The following FMN2 variants were observed in gnomAD, a reference collection of about 807,000 sequenced individuals.
FMN2 encodes formin 2.
FMN2 carries 51 observed loss-of-function variants against 142.3 expected under a neutral mutation model. That is an observed-to-expected ratio of 0.36 (90% CI 0.29 to 0.45). The LOEUF (loss-of-function observed/expected upper bound fraction) is 0.45, where lower values mean the gene tolerates loss of function less well. Among genes scored for constraint, FMN2 ranks in the 20% least tolerant of loss-of-function variants. The pLI is 1.00. For missense variants in FMN2, 1,936 were observed against 2,122.8 expected, an observed-to-expected ratio of 0.91 and a Z score of 1.73; for synonymous variants, 882 against 869.8, an observed-to-expected ratio of 1.01 and a Z score of -0.25.
At chr1:240,378,872 GGT>G (rs1240668184) in intron 14 of FMN2, among the ~76,000 whole-genome samples, 1 of 152,048 alleles carries the variant, frequency 6.6e-6, no homozygotes. Context: ...ATTTGAGGGT[GGT>G]TACTAAAAAA....
chr1:240,218,355 G>A (rs775598053), intron 6 of FMN2, among the ~76,000 whole-genome samples: 27 of 151,050 alleles, frequency 1.8e-4, no homozygotes, highest in Non-Finnish European at 3.2e-4. Flanking sequence ...ATTTTTAATG[G>A]CTAGAATGTT....
At chr1:240,261,486 G>A (rs1668629642) in intron 7 of FMN2, among the ~76,000 whole-genome samples, 1 of 150,830 alleles carries the variant, frequency 6.6e-6, no homozygotes, top group South Asian at 2.1e-4. Flanking sequence ...CTCCTTCTTT[G>A]CTGTCAGTAC....
chr1:240,401,415 C>T (rs1358213627), intron 15 of FMN2, among the ~76,000 whole-genome samples: 1 of 152,122 alleles, frequency 6.6e-6, no homozygotes, highest in Non-Finnish European at 1.5e-5. Flanking sequence ...TCCATTTAGC[C>T]CTTTGACGTT....
chr1:240,260,738 G>A lies in FMN2; in HGVS notation c.4153+2706G>A, dbSNP rs73117011. On this transcript the variant is annotated intron_variant, in intron 7 of 17. Coordinates refer to ENST00000319653, the MANE Select transcript of FMN2 (RefSeq NM_020066.5). ...CTCTGCTGACTATTCCTTTTGACAC[G>A]CGGAAGCTCTTTAGTTTAATTAAGT... Among the ~76,000 whole-genome samples the A allele has an allele frequency of 5.6e-3, 856 of 152,226 alleles. 10 individuals carry two copies. The highest frequency in any genetic ancestry group is 0.02 in the African/African-American group (813 of 41,524).
At chr1:240,248,384 AT>A (rs1305598101) in intron 6 of FMN2, among the ~76,000 whole-genome samples, 1 of 149,746 alleles carries the variant, frequency 6.7e-6, no homozygotes, top group African/African-American at 2.4e-5. Context: ...ATATATATAT[AT>A]ATAACATACA....
chr1:240,463,708 A>AT (rs1676519311), intron 16 of FMN2, among the ~76,000 whole-genome samples: 1 of 152,190 alleles, frequency 6.6e-6, no homozygotes, highest in Admixed American at 6.5e-5. Flanking sequence ...GTTGTCAAGA[A>AT]TTAGGGACCA....
chr1:240,131,451 G>A (rs1662732699), intron 2 of FMN2, among the ~76,000 whole-genome samples: 1 of 152,124 alleles, frequency 6.6e-6, no homozygotes. Flanking sequence ...TCACACGCCT[G>A]TAATCCCAGC....
chr1:240,380,046 TC>T (rs1673174621), intron 14 of FMN2, among the ~76,000 whole-genome samples: 1 of 152,108 alleles, frequency 6.6e-6, no homozygotes, highest in Non-Finnish European at 1.5e-5. Flanking sequence ...TGGGGACACT[TC>T]AATACACCAT....
chr1:240,231,221 C>G (rs1377979514), intron 6 of FMN2, among the ~76,000 whole-genome samples: 2 of 132,350 alleles, frequency 1.5e-5, no homozygotes, highest in Non-Finnish European at 3.2e-5. Flanking sequence ...TCTTTGCGTT[C>G]CACATTAAGC....
chr1:240,188,689 G>T (rs769123842), intron 4 of FMN2, among the ~76,000 whole-genome samples: 6 of 152,168 alleles, frequency 3.9e-5, no homozygotes, highest in Non-Finnish European at 8.8e-5. Context: ...ACATTAATTA[G>T]TATCTGTTTA....
At position 240,344,310 on chromosome 1, in the gene FMN2, A is replaced by G. The variant is rs113599312; in HGVS notation, c.4765+10081A>G. Among the ~76,000 whole-genome samples, 393 of 152,326 alleles carry G rather than the reference A, an allele frequency of 2.6e-3. 3 individuals carry two copies. Among genetic ancestry groups the G allele is most frequent in the African/African-American group, 8.7e-3 (360 of 41,572 alleles). ...TGTAATCTATGTATAAATGCTTCTT[A>G]ATAAAATTGTGTCATTCCATGATTT... On this transcript the variant is annotated intron_variant, in intron 13 of 17. Transcript: ENST00000319653.
At chr1:240,162,133 A>G (rs1362844488) in intron 2 of FMN2, among the ~76,000 whole-genome samples, 4 of 148,436 alleles carry the variant, frequency 2.7e-5, no homozygotes, top group Non-Finnish European at 6.0e-5. Flanking sequence ...CCTTGTTTCA[A>G]AAAAAAAAAA....
intron 14 of FMN2, among the ~76,000 whole-genome samples, chr1:240,366,305 A>T (rs965117824): frequency 4.6e-5 from 7 of 151,942 alleles, no homozygotes; most frequent in Non-Finnish European, 1.0e-4. Context: ...TATCATTCCG[A>T]TGTTTATTCT....
At chr1:240,426,121 T>C (rs1346224301) in intron 15 of FMN2, among the ~76,000 whole-genome samples, 1 of 152,232 alleles carries the variant, frequency 6.6e-6, no homozygotes, top group Non-Finnish European at 1.5e-5. Flanking sequence ...TCCAAAGAGA[T>C]CATAACTTGT....
At chr1:240,245,617 C>G in intron 6 of FMN2, 1 of 470,990 alleles carries the variant, frequency 2.1e-6, no homozygotes, top group Non-Finnish European at 4.4e-6. Context: ...TACTGCCTAG[C>G]ACAATGCCTG....
At chr1:240,254,915 T>A (rs1668400361) in intron 6 of FMN2, among the ~76,000 whole-genome samples, 1 of 152,104 alleles carries the variant, frequency 6.6e-6, no homozygotes, top group Non-Finnish European at 1.5e-5. Context: ...TGCCCTCCTG[T>A]AACTGCTTGT....
intron 13 of FMN2, among the ~76,000 whole-genome samples, chr1:240,336,145 A>AAAAT (rs1334196461): frequency 1.3e-5 from 2 of 152,102 alleles, no homozygotes; most frequent in Admixed American, 6.5e-5. Context: ...CTCCATCTCA[A>AAAAT]AAATAAATAA....
intron 16 of FMN2, among the ~76,000 whole-genome samples, chr1:240,450,969 A>G (rs984071957): frequency 6.6e-6 from 1 of 152,198 alleles, no homozygotes; most frequent in African/African-American, 2.4e-5. Context: ...CAACAGAGGT[A>G]TCCTTGTGCT....
intron 1 of FMN2, among the ~76,000 whole-genome samples, chr1:240,095,275 CATT>C (rs1237271465): frequency 6.6e-6 from 1 of 151,944 alleles, no homozygotes; most frequent in Non-Finnish European, 1.5e-5. Flanking sequence ...GATTATCAAT[CATT>C]AATATTAATG....
Sources: gnomAD v4.1 joint callset for allele counts (sites outside exome capture counted in the v4.1 genomes callset) on GRCh38, gnomAD v4.1.1 for gene constraint, MANE v1.5 for transcripts, NCBI Gene and HGNC (gene_info 2026-07-23, HGNC 2026-07-21) for gene names.